The following MAMDC2 variants were observed in gnomAD, a reference collection of about 807,000 sequenced individuals.
MAMDC2 encodes the protein MAM domain containing 2.
MAMDC2 carries 57 observed loss-of-function variants against 89.8 expected under a neutral mutation model. That is an observed-to-expected ratio of 0.63 (90% CI 0.51 to 0.79). MAMDC2 has a LOEUF of 0.79. Among genes scored for constraint, MAMDC2 ranks in the 30% least tolerant of loss-of-function variants. The pLI is 0.00. For missense variants in MAMDC2, 800 were observed against 820.6 expected, an observed-to-expected ratio of 0.97 and a Z score of 0.31; for synonymous variants, 313 against 293.4, an observed-to-expected ratio of 1.07 and a Z score of -0.68.
At chr9:70,083,205 G>T (rs1266826395) in intron 2 of MAMDC2, among the ~76,000 whole-genome samples, 1 of 152,126 alleles carries the variant, frequency 6.6e-6, no homozygotes, top group East Asian at 1.9e-4. Context: ...ATATGAATGG[G>T]TGGTTTGCCC....
chr9:70,171,375 C>A (rs932809040), intron 11 of MAMDC2, among the ~76,000 whole-genome samples: 3 of 151,896 alleles, frequency 2.0e-5, no homozygotes, highest in African/African-American at 7.3e-5. Flanking sequence ...TGGTGTGCAC[C>A]TGTGGTCACA....
At position 70,099,238 on chromosome 9, in the gene MAMDC2, A is replaced by G. The variant is rs1587468559; in HGVS notation, c.149-8973A>G. On this transcript the variant is annotated intron_variant, in intron 2 of 13. Coordinates refer to ENST00000377182, the MANE Select transcript of MAMDC2 (RefSeq NM_153267.5). ...TCAGATATTAATAGTCCCAAAGATT[A>G]AAAAATCATTTTACATTTAAGGAGT... 3.3e-5 allele frequency among the ~76,000 whole-genome samples: 5 copies of G among 152,224 alleles called. No homozygotes were observed. In the South Asian group the frequency reaches 1.0e-3, roughly 32 times the overall value.
chr9:70,156,945 G>A (rs1432641509), intron 9 of MAMDC2, among the ~76,000 whole-genome samples: 2 of 152,134 alleles, frequency 1.3e-5, no homozygotes, highest in African/African-American at 4.8e-5. Flanking sequence ...TACTTTACAC[G>A]AACATAGTGT....
intron 2 of MAMDC2, among the ~76,000 whole-genome samples, chr9:70,070,473 A>C (rs943334888): frequency 2.6e-5 from 4 of 152,198 alleles, no homozygotes; most frequent in African/African-American, 9.6e-5. Flanking sequence ...CATCAGCTCT[A>C]CAAAACCCCA....
At chr9:70,135,487 G>A (rs963716595) in intron 7 of MAMDC2, among the ~76,000 whole-genome samples, 5 of 152,006 alleles carry the variant, frequency 3.3e-5, no homozygotes, top group African/African-American at 1.2e-4. Flanking sequence ...TTTTTTATCA[G>A]ACCTCCTCAA....
chr9:70,189,474 G>T (rs886845033), intron 11 of MAMDC2, among the ~76,000 whole-genome samples: 2 of 152,062 alleles, frequency 1.3e-5, no homozygotes, highest in African/African-American at 4.8e-5. Flanking sequence ...GAAGTCAGCT[G>T]ATTAGCAAAG....
At chr9:70,129,190 GTAAT>G (rs1456518882) in intron 6 of MAMDC2, among the ~76,000 whole-genome samples, 1 of 152,188 alleles carries the variant, frequency 6.6e-6, no homozygotes, top group African/African-American at 2.4e-5. Flanking sequence ...CCAGTGGGAG[GTAAT>G]TAAATTATGG....
intron 11 of MAMDC2, chr9:70,193,892 G>A (rs904946714): frequency 2.0e-5 from 3 of 151,984 alleles, no homozygotes; most frequent in Non-Finnish European, 4.4e-5. Flanking sequence ...ACATATACAG[G>A]GAGGAAAAAT....
At position 70,170,570 on chromosome 9, in the gene MAMDC2, G is replaced by C; in HGVS notation, c.1590G>C (p.Arg530Ser). 6.2e-7 allele frequency: 1 copy of C among 1,612,890 alleles called. No homozygotes were observed. The highest frequency in any genetic ancestry group is 8.5e-7 in the Non-Finnish European group (1 of 1,179,696). The change falls in exon 11 of 14, where the codon AGG becomes AGC. Residue 530 changes from arginine (R) to serine (S), a missense_variant. By Grantham distance (110) the Arg-to-Ser change is moderately radical. Coordinates refer to ENST00000377182, the MANE Select transcript of MAMDC2 (RefSeq NM_153267.5). ...QEKRNRSSWH[R>S]RRGETPTSYT... ...AAAGAAACCGGAGCAGCTGGCACAG[G>C]AGGAGGGGAGAAACTCCCACTTCCT...
At chr9:70,068,209 G>T (rs1827313480) in intron 2 of MAMDC2, among the ~76,000 whole-genome samples, 1 of 152,142 alleles carries the variant, frequency 6.6e-6, no homozygotes, top group Non-Finnish European at 1.5e-5. Context: ...AATAGGCAAA[G>T]GGCTATTTTA....
chr9:70,129,633 G>A (rs894832475), intron 6 of MAMDC2, among the ~76,000 whole-genome samples: 1 of 152,168 alleles, frequency 6.6e-6, no homozygotes, highest in African/African-American at 2.4e-5. Context: ...TGGCTGTGGA[G>A]TGGGGTTTTT....
At chr9:70,127,844 C>T (rs765886601) in intron 6 of MAMDC2, among the ~76,000 whole-genome samples, 3 of 152,142 alleles carry the variant, frequency 2.0e-5, no homozygotes, top group Non-Finnish European at 4.4e-5. Context: ...AATGCATGTA[C>T]TGCTTCAAAA....
At chr9:70,202,107 G>T (rs1207282106) in intron 11 of MAMDC2, among the ~76,000 whole-genome samples, 2 of 151,888 alleles carry the variant, frequency 1.3e-5, no homozygotes, top group Non-Finnish European at 2.9e-5. Context: ...TTTTGAATGT[G>T]TTTGCTCTTG....
At chr9:70,199,214 CCA>C (rs1304314097) in intron 11 of MAMDC2, among the ~76,000 whole-genome samples, 1 of 41,564 alleles carries the variant, frequency 2.4e-5, no homozygotes, top group Non-Finnish European at 5.1e-5. Flanking sequence ...CCCCACCCCA[CCA>C]CAGTCCCCAG....
Position 70,221,407 on chromosome 9 carries a change from A to AGAGAGAGAGAGAGAGAGAGAGAGAGC in MAMDC2, c.1911+2812_1911+2813insAGAGAGAGAGAGAGAGAGAGAGAGCG. On this transcript the variant is annotated intron_variant, in intron 12 of 13. Coordinates refer to ENST00000377182, the MANE Select transcript of MAMDC2 (RefSeq NM_153267.5). ...GAGAGAGAGAGAGAGAGAGAGAGAG[A>AGAGAGAGAGAGAGAGAGAGAGAGAGC]GTAACATCAGATAACAAGTGCTATG... 1.7e-5 allele frequency among the ~76,000 whole-genome samples: 2 copies of AGAGAGAGAGAGAGAGAGAGAGAGAGC among 119,942 alleles called. 1 individual carries two copies. Among genetic ancestry groups the AGAGAGAGAGAGAGAGAGAGAGAGAGC allele is most frequent in the East Asian group, 4.7e-4 (2 of 4,272 alleles). The allele number at this position is 119,942 out of a possible 152,430, so 78.7% of individuals were successfully genotyped here.
intron 11 of MAMDC2, 109 bp downstream of exon 11, chr9:70,170,740 T>C: frequency 1.0e-6 from 1 of 983,446 alleles, no homozygotes; most frequent in Non-Finnish European, 1.5e-6. Context: ...GTGTCTATAA[T>C]GAAATGCACT....
intron 11 of MAMDC2, chr9:70,217,296 G>A (rs985787260): frequency 7.5e-6 from 10 of 1,340,186 alleles, no homozygotes; most frequent in East Asian, 2.3e-5. Context: ...TTCTTAATGC[G>A]AAATGCGAGT....
At chr9:70,078,559 A>C (rs1300821609) in intron 2 of MAMDC2, among the ~76,000 whole-genome samples, 1 of 152,142 alleles carries the variant, frequency 6.6e-6, no homozygotes, top group Non-Finnish European at 1.5e-5. Flanking sequence ...TTACAAAAAC[A>C]ATGTTGATTA....
chr9:70,211,811 G>A (rs150548642), intron 11 of MAMDC2, among the ~76,000 whole-genome samples: 1 of 152,270 alleles, frequency 6.6e-6, no homozygotes, highest in East Asian at 1.9e-4. Flanking sequence ...GTTTTGGTGT[G>A]GATGTCCTTT....
Sources: gnomAD v4.1 joint callset for allele counts (sites outside exome capture counted in the v4.1 genomes callset) on GRCh38, gnomAD v4.1.1 for gene constraint, MANE v1.5 for transcripts, NCBI Gene and HGNC (gene_info 2026-07-23, HGNC 2026-07-21) for gene names.